Variants in SPIRE1 observed in about 807,000 individuals in gnomAD.
SPIRE1 encodes protein spire homolog 1.
SPIRE1 carries 40 observed loss-of-function variants against 94.1 expected under a neutral mutation model. The observed-to-expected ratio is 0.43, with a 90% CI of 0.33 to 0.55. The LOEUF (loss-of-function observed/expected upper bound fraction) is 0.55, where lower values mean the gene tolerates loss of function less well. Ranked by LOEUF, SPIRE1 falls within the 20% of genes least tolerant of loss-of-function variation. The pLI is 0.06. For missense variants in SPIRE1, 838 were observed against 975.2 expected, an observed-to-expected ratio of 0.86 and a Z score of 1.87; for synonymous variants, 376 against 371.7, an observed-to-expected ratio of 1.01 and a Z score of -0.13.
At chr18:12,500,154 G>C (rs1322501810) in intron 6 of SPIRE1, among the ~76,000 whole-genome samples, 2 of 152,272 alleles carry the variant, frequency 1.3e-5, no homozygotes, top group East Asian at 3.9e-4. Context: ...GGGGGTCAGG[G>C]TTGAAAAGTT....
chr18:12,551,315 G>A (rs2035341880), intron 2 of SPIRE1, among the ~76,000 whole-genome samples: 1 of 152,138 alleles, frequency 6.6e-6, no homozygotes, highest in Non-Finnish European at 1.5e-5. Context: ...TTTTATAACA[G>A]TAATACATCT....
At chr18:12,613,179 A>C (rs920738417) in intron 2 of SPIRE1, among the ~76,000 whole-genome samples, 1 of 152,154 alleles carries the variant, frequency 6.6e-6, no homozygotes, top group Admixed American at 6.5e-5. Context: ...TCTTGTCTTC[A>C]GTTGGTTCTT....
chr18:12,538,943 A>G (rs1598448326), intron 3 of SPIRE1, among the ~76,000 whole-genome samples: 1 of 152,080 alleles, frequency 6.6e-6, no homozygotes, highest in East Asian at 1.9e-4. Context: ...CACCATCATC[A>G]TGGTCACAGC....
At chr18:12,484,171 T>C (rs2032949812) in intron 9 of SPIRE1, among the ~76,000 whole-genome samples, 1 of 152,162 alleles carries the variant, frequency 6.6e-6, no homozygotes, top group Admixed American at 6.6e-5. Flanking sequence ...ATGGTCAATG[T>C]GTTTAGGCAG....
At position 12,628,143 on chromosome 18, in the gene SPIRE1, A is replaced by C. The variant is rs149052325; in HGVS notation, c.372+6919T>G. ...AGTCCTTGACCATGCCTATGTCCTG[A>C]ATAGTATTGCCTAGATTTTCTTCTA... On this transcript the variant is annotated intron_variant, in intron 2 of 16. Transcript: ENST00000409402. 1.8e-4 allele frequency among the ~76,000 whole-genome samples: 28 copies of C among 152,228 alleles called. 1 individual carries two copies. The highest frequency in any genetic ancestry group is 5.2e-4 in the Admixed American group (8 of 15,276).
chr18:12,579,099 GA>G (rs201951477), intron 2 of SPIRE1, among the ~76,000 whole-genome samples: 1 of 145,066 alleles, frequency 6.9e-6, no homozygotes, highest in African/African-American at 2.5e-5. Flanking sequence ...AGAAGGGGAG[GA>G]AAAAAAACCC....
intron 2 of SPIRE1, among the ~76,000 whole-genome samples, chr18:12,627,953 G>A (rs993297565): frequency 6.6e-6 from 1 of 152,014 alleles, no homozygotes; most frequent in African/African-American, 2.4e-5. Context: ...CTGGATATTA[G>A]CCCTTTGTCA....
chr18:12,537,623 T>C (rs947442080), intron 3 of SPIRE1, among the ~76,000 whole-genome samples: 1 of 152,142 alleles, frequency 6.6e-6, no homozygotes, highest in Non-Finnish European at 1.5e-5. Context: ...ACATAAAAAA[T>C]CTAAAGGAAT....
chr18:12,457,838 T>C (rs2031588082), intron 12 of SPIRE1, among the ~76,000 whole-genome samples: 2 of 146,032 alleles, frequency 1.4e-5, no homozygotes, highest in Admixed American at 1.4e-4. Context: ...ACCTTTCTTT[T>C]CTTTTTTCTT....
At position 12,447,782 on chromosome 18, in the gene SPIRE1, C is replaced by G. The variant is rs891687069; in HGVS notation, c.*1856G>C. 2.0e-5 allele frequency: 3 copies of G among 152,120 alleles called. No homozygotes were observed. The highest frequency in any genetic ancestry group is 4.4e-5 in the Non-Finnish European group (3 of 68,006). The allele number at this position is 152,120 out of a possible 1,614,324, so 9.4% of individuals were successfully genotyped here. ...CTTATGTTTTAATAAAAACAGTAGT[C>G]ATTATTTTAAAAAGCACATTCTCCT... is the stretch of plus-strand genomic sequence containing the variant. On this transcript the variant is annotated 3_prime_UTR_variant, in exon 17 of 17. Coordinates refer to ENST00000409402, the MANE Select transcript of SPIRE1 (RefSeq NM_001128626.2).
At chr18:12,622,443 G>T (rs1393785521) in intron 2 of SPIRE1, among the ~76,000 whole-genome samples, 2 of 35,112 alleles carry the variant, frequency 5.7e-5, no homozygotes, top group Admixed American at 4.9e-4. Flanking sequence ...TTTTTTTTGA[G>T]ACAGAGTCTT....
intron 2 of SPIRE1, among the ~76,000 whole-genome samples, chr18:12,556,505 G>A (rs1471518562): frequency 6.6e-6 from 1 of 152,232 alleles, no homozygotes; most frequent in Non-Finnish European, 1.5e-5. Context: ...GAGTGTTATA[G>A]TTCTTAAAGA....
At chr18:12,552,859 T>C (rs1041437167) in intron 2 of SPIRE1, among the ~76,000 whole-genome samples, 1 of 152,104 alleles carries the variant, frequency 6.6e-6, no homozygotes, top group Non-Finnish European at 1.5e-5. Context: ...CTTCCTTCTT[T>C]AACTCGGTGT....
Position 12,657,563 on chromosome 18 carries a change from C to T in SPIRE1, c.304G>A (p.Ala102Thr). ...GGGGGCGGCTCTCCCGCGTCGTCGG[C>T]CGCGGGCGCCAGGGTGACGGCGCCG... is the stretch of plus-strand genomic sequence containing the variant. ...RDGAVTLAPA[A>T]DDAGEPPPVA... The change falls in exon 1 of 17, where the codon GCC becomes ACC. Residue 102 changes from alanine to threonine, a missense_variant. Transcript: ENST00000409402. 8.1e-7 allele frequency: 1 copy of T among 1,236,376 alleles called. No homozygotes were observed. The allele number at this position is 1,236,376 out of a possible 1,614,324, so 76.6% of individuals were successfully genotyped here.
intron 12 of SPIRE1, among the ~76,000 whole-genome samples, chr18:12,458,596 A>G (rs1256032750): frequency 1.3e-5 from 2 of 152,192 alleles, no homozygotes; most frequent in African/African-American, 4.8e-5. Context: ...CCTGAGTGAC[A>G]GAGAGAGACT....
intron 10 of SPIRE1, among the ~76,000 whole-genome samples, chr18:12,476,580 TATATATATACACAC>T (rs2032602606): frequency 7.9e-6 from 1 of 127,102 alleles, no homozygotes; most frequent in South Asian, 2.6e-4. Context: ...TATATATATA[TATATATATACACAC>T]ACACACACAC....
intron 12 of SPIRE1, among the ~76,000 whole-genome samples, chr18:12,461,500 A>T (rs1409376474): frequency 6.7e-6 from 1 of 149,482 alleles, no homozygotes; most frequent in South Asian, 2.1e-4. Flanking sequence ...GTATGCACGT[A>T]CATATGTACG....
intron 4 of SPIRE1, among the ~76,000 whole-genome samples, chr18:12,521,767 CA>C (rs1254639462): frequency 6.6e-6 from 1 of 150,740 alleles, no homozygotes; most frequent in Admixed American, 6.7e-5. Context: ...CACAATATTC[CA>C]TTTTTTTTTT....
intron 12 of SPIRE1, among the ~76,000 whole-genome samples, chr18:12,462,927 ACT>A (rs2031924627): frequency 6.6e-6 from 1 of 151,968 alleles, no homozygotes; most frequent in South Asian, 2.1e-4. Context: ...AGAAGGTGTC[ACT>A]CTGCTGCCCA....
Sources: gnomAD v4.1 joint callset for allele counts (sites outside exome capture counted in the v4.1 genomes callset) on GRCh38, gnomAD v4.1.1 for gene constraint, MANE v1.5 for transcripts, NCBI Gene and HGNC (gene_info 2026-07-23, HGNC 2026-07-21) for gene names.